HSPG2: variants seen among roughly 807,000 people sequenced by gnomAD.
The protein encoded by HSPG2 is basement membrane-specific heparan sulfate proteoglycan core protein.
In HSPG2, 278 loss-of-function variants were observed where a neutral mutation model predicts 526.6. The observed-to-expected ratio is 0.53, with a 90% CI of 0.48 to 0.58. The LOEUF (loss-of-function observed/expected upper bound fraction) is 0.58, where lower values mean the gene tolerates loss of function less well. Among genes scored for constraint, HSPG2 ranks in the 20% least tolerant of loss-of-function variants. The pLI is 0.00. For synonymous variants in HSPG2, 2,465 were observed against 2,555.4 expected (o/e 0.96, Z 1.07); for missense variants, 5,354 against 6,099.5 (o/e 0.88, Z 4.07).
intron 9 of HSPG2, among the ~76,000 whole-genome samples, chr1:21,885,801 G>A (rs1268499116): frequency 2.0e-5 from 3 of 152,218 alleles, no homozygotes; most frequent in African/African-American, 7.2e-5. Context: ...CCACCAGTGG[G>A]GCTGGCATCT....
chr1:21,861,693 G>A, intron 39 of HSPG2, 64 bp downstream of exon 39: 2 of 1,434,304 alleles, frequency 1.4e-6, no homozygotes, highest in Non-Finnish European at 2.0e-6. Flanking sequence ...CACCCTTTAA[G>A]GCTCTCACTT....
At chr1:21,931,385 G>C (rs1450416434) in intron 1 of HSPG2, among the ~76,000 whole-genome samples, 2 of 152,244 alleles carry the variant, frequency 1.3e-5, no homozygotes, top group East Asian at 3.9e-4. Context: ...CAGGGCCAAA[G>C]AGGCCAAGGC....
intron 67 of HSPG2, 72 bp downstream of exon 67, chr1:21,842,698 G>A: frequency 3.8e-6 from 6 of 1,596,428 alleles, no homozygotes; most frequent in Non-Finnish European, 5.1e-6. Context: ...TTTGCATGAG[G>A]TTTGGGTACA....
At chr1:21,860,619 T>G (rs1006160999) in intron 39 of HSPG2, among the ~76,000 whole-genome samples, 2 of 152,038 alleles carry the variant, frequency 1.3e-5, no homozygotes, top group African/African-American at 2.4e-5. Flanking sequence ...AGCCTCCCAA[T>G]TAGCTGGGAC....
intron 1 of HSPG2, among the ~76,000 whole-genome samples, chr1:21,934,318 C>G (rs924131139): frequency 5.3e-5 from 8 of 152,206 alleles, no homozygotes; most frequent in Non-Finnish European, 8.8e-5. Flanking sequence ...CCAAGGTGTG[C>G]TGGGAGCCTG....
chr1:21,863,290 G>A (rs1486121528), intron 37 of HSPG2, among the ~76,000 whole-genome samples: 3 of 147,798 alleles, frequency 2.0e-5, no homozygotes, highest in African/African-American at 5.0e-5. Context: ...GGAGAATGGC[G>A]TGAACCCAGG....
Position 21,846,429 on chromosome 1 carries a change from T to C in HSPG2, c.8316+19A>G. 6.2e-7 allele frequency: 1 copy of C among 1,613,098 alleles called. No individual in the cohort carries two copies. The highest frequency in any genetic ancestry group is 8.5e-7 in the Non-Finnish European group (1 of 1,180,008). On this transcript the variant is annotated intron_variant, in intron 63 of 96. Transcript: ENST00000374695. ...CCCACATCCAGCGGCTCTCCCACCA[T>C]TTCCTGCCAGCTGCATACCTGATGG...
rs2152746380 is a variant in HSPG2, at chr1:21,874,012, C to A, written c.3657-1G>T. The A allele has an allele frequency of 6.3e-7, 1 of 1,599,276 alleles. No homozygotes were observed. Among genetic ancestry groups the A allele is most frequent in the East Asian group, 2.3e-5 (1 of 44,434 alleles). On this transcript the variant is annotated splice_acceptor_variant, in intron 28 of 96. Transcript: ENST00000374695. LOFTEE classifies it high-confidence loss of function. ...GTCCAGAAAACAAGTGTGGGCAGCC[C>A]TGAGTGTGGGGGCAGATTTCTAGTC...
intron 1 of HSPG2, among the ~76,000 whole-genome samples, chr1:21,923,602 G>A (rs1239637234): frequency 6.6e-6 from 1 of 152,152 alleles, no homozygotes. Flanking sequence ...AAGGGAAACA[G>A]ACTCACAAAT....
rs572815316 is a variant in HSPG2 at position 21,836,863 on chromosome 1, G to A, written c.10294C>T (p.Arg3432Cys). 52 of 1,581,216 alleles carry A rather than the reference G, an allele frequency of 3.3e-5. No homozygotes were observed. The highest frequency in any genetic ancestry group is 1.7e-4 in the Middle Eastern group (1 of 6,028). The change falls in exon 75 of 97, where the codon CGT becomes TGT. Residue 3432 changes from arginine (R) to cysteine (C), a missense_variant. Coordinates refer to ENST00000374695, the MANE Select transcript of HSPG2 (RefSeq NM_005529.7). ...AGCTGACCCCCTTCCTTGAACCAAC[G>A]GAGCTGGGTACCCCGGTCGCTGGGC... ...AVPSDRGTQL[R>C]WFKEGGQLPP...
chr1:21,838,135 CA>C (rs35291473), intron 74 of HSPG2, among the ~76,000 whole-genome samples: 44 of 75,280 alleles, frequency 5.8e-4, no homozygotes, highest in South Asian at 2.2e-3. Flanking sequence ...GATTCTGTCT[CA>C]AAAAAAAAAA....
At chr1:21,835,119 T>G in intron 76 of HSPG2, 174 bp from the exon 77 acceptor site, 1 of 760,570 alleles carries the variant, frequency 1.3e-6, no homozygotes. Flanking sequence ...GTCTTATGCA[T>G]TTACTCACTC....
rs1210495076 is a variant in HSPG2, at chr1:21,844,272, A to G, written c.8492T>C (p.Ile2831Thr). ...TGCCACTCGGGAGGAGGAGGGCTCG[A>G]TGCGGATGGGTGGGGCTCCACCTGG... ...PAPGGAPPIR[I>T]EPSSSRVAEG... The change falls in exon 65 of 97, where the codon ATC becomes ACC. Residue 2831 changes from isoleucine (I) to threonine (T), a missense_variant. By Grantham distance (89) the Ile-to-Thr change is moderately conservative. Transcript: ENST00000374695. 6.2e-7 allele frequency: 1 copy of G among 1,613,334 alleles called. No homozygotes were observed. The highest frequency in any genetic ancestry group is 8.5e-7 in the Non-Finnish European group (1 of 1,179,916).
chr1:21,886,846 G>C (rs1209453559), intron 9 of HSPG2, among the ~76,000 whole-genome samples: 1 of 152,106 alleles, frequency 6.6e-6, no homozygotes, highest in African/African-American at 2.4e-5. Flanking sequence ...CCATCACCAA[G>C]GGACCTTGGC....
At chr1:21,901,912 C>T (rs1643121694) in intron 1 of HSPG2, among the ~76,000 whole-genome samples, 1 of 152,140 alleles carries the variant, frequency 6.6e-6, no homozygotes, top group African/African-American at 2.4e-5. Context: ...CCATGGTCCC[C>T]AAATCTCTGG....
At position 21,852,696 on chromosome 1, in the gene HSPG2, T is replaced by TGA. The variant is rs1638996137; in HGVS notation, c.6724+3_6724+4insTC. 1.2e-6 allele frequency: 2 copies of TGA among 1,613,200 alleles called. No individual in the cohort carries two copies. Among genetic ancestry groups the TGA allele is most frequent in the Non-Finnish European group, 1.7e-6 (2 of 1,180,006 alleles). On this transcript the variant is annotated splice_donor_region_variant and intron_variant, in intron 52 of 96. Coordinates refer to ENST00000374695, the MANE Select transcript of HSPG2 (RefSeq NM_005529.7). ...AGCTTTCCATGTCACTGGGAGTCAC[T>TGA]CACCAGGGATGACAGAGGCTTCGAT... is the stretch of plus-strand genomic sequence containing the variant.
intron 1 of HSPG2, among the ~76,000 whole-genome samples, chr1:21,929,871 G>A (rs1312010129): frequency 2.0e-5 from 3 of 152,068 alleles, no homozygotes; most frequent in African/African-American, 7.2e-5. Flanking sequence ...TCCCACCTCC[G>A]TGGTCCTAGC....
At position 21,824,717 on chromosome 1, in the gene HSPG2, C is replaced by A; in HGVS notation, c.12652G>T (p.Val4218Phe). The A allele has an allele frequency of 6.2e-7, 1 of 1,613,738 alleles. No individual in the cohort carries two copies. Among genetic ancestry groups the A allele is most frequent in the Non-Finnish European group, 8.5e-7 (1 of 1,179,878 alleles). Reference protein sequence around the residue: ...DDGFLAFPGHVFSRSLPEVPE... With the variant: ...DDGFLAFPGHFFSRSLPEVPE... ...TGCCAGTCTCACCTCCTGGAGAAGA[C>A]ATGGCCAGGGAAGGCGAGGAAGCCA... Residue 4218 changes from valine to phenylalanine, a missense_variant, in exon 92 of 97, where the codon GTC becomes TTC. Physicochemically the swap from Val to Phe is conservative, Grantham distance 50. Transcript: ENST00000374695. This position sits in a 1 kb window ranked among gnomAD's most constrained non-coding sequence, Gnocchi z 5.9.
chr1:21,877,488 C>A (rs901011950), intron 21 of HSPG2: 1 of 141,882 alleles, frequency 7.0e-6, no homozygotes, highest in African/African-American at 2.6e-5. Flanking sequence ...ACACTTGATA[C>A]TCACATTCTT....
Sources: allele counts gnomAD v4.1 joint callset (sites outside exome capture counted in the v4.1 genomes callset), GRCh38; gene constraint gnomAD v4.1.1; non-coding constraint Gnocchi (gnomAD v3.1); transcripts MANE v1.5; gene names NCBI Gene and HGNC (gene_info 2026-07-23, HGNC 2026-07-21).